BRINP1: variants seen among roughly 807,000 people sequenced by gnomAD.
The protein encoded by BRINP1 is BMP/retinoic acid-inducible neural-specific protein 1.
BRINP1 carries 17 observed loss-of-function variants against 72.9 expected under a neutral mutation model. That is an observed-to-expected ratio of 0.23 (90% CI 0.16 to 0.35). The LOEUF (loss-of-function observed/expected upper bound fraction) is 0.35. Ranked by LOEUF, BRINP1 falls within the 10% of genes least tolerant of loss-of-function variation. BRINP1 has a pLI of 1.00. For synonymous variants in BRINP1, 418 were observed against 378.5 expected (o/e 1.10, Z -1.21); for missense variants, 850 against 1,001.6 (o/e 0.85, Z 2.04).
At chr9:119,224,191 T>C (rs531907018) in intron 5 of BRINP1, among the ~76,000 whole-genome samples, 1 of 152,176 alleles carries the variant, frequency 6.6e-6, no homozygotes, top group Non-Finnish European at 1.5e-5. Flanking sequence ...AAAAGATTTA[T>C]AAATGTAAAA....
At chr9:119,172,279 T>C (rs1041223719) in intron 7 of BRINP1, among the ~76,000 whole-genome samples, 2 of 148,712 alleles carry the variant, frequency 1.3e-5, no homozygotes, top group Non-Finnish European at 3.0e-5. Context: ...ATAGACGCAA[T>C]AAAAAATGAT....
chr9:119,245,194 T>C (rs1197889697), intron 3 of BRINP1, among the ~76,000 whole-genome samples: 6 of 125,916 alleles, frequency 4.8e-5, no homozygotes, highest in South Asian at 3.0e-4. Flanking sequence ...CAAGCTCACA[T>C]ACACACACAC....
At chr9:119,317,591 T>C (rs1225157408) in intron 1 of BRINP1, among the ~76,000 whole-genome samples, 1 of 152,208 alleles carries the variant, frequency 6.6e-6, no homozygotes, top group African/African-American at 2.4e-5. Context: ...GTGGCAAGAT[T>C]TGAGAGTACT....
chr9:119,286,844 C>G (rs185824290), intron 2 of BRINP1, among the ~76,000 whole-genome samples: 4 of 152,272 alleles, frequency 2.6e-5, no homozygotes, highest in Non-Finnish European at 4.4e-5. Context: ...CGATTTTGGT[C>G]AAGACGCCTA....
intron 1 of BRINP1, among the ~76,000 whole-genome samples, chr9:119,336,135 G>C (rs888971836): frequency 2.0e-5 from 3 of 152,160 alleles, no homozygotes; most frequent in African/African-American, 7.2e-5. Context: ...ATGTCAGGGT[G>C]ATGTTTCCTT....
At chr9:119,339,426 G>A (rs1831386160) in intron 1 of BRINP1, among the ~76,000 whole-genome samples, 1 of 152,132 alleles carries the variant, frequency 6.6e-6, no homozygotes, top group Non-Finnish European at 1.5e-5. Flanking sequence ...TTCTCAACTG[G>A]AATATCAGCA....
intron 5 of BRINP1, among the ~76,000 whole-genome samples, chr9:119,236,158 A>T (rs1041104921): frequency 1.3e-5 from 2 of 152,166 alleles, no homozygotes; most frequent in African/African-American, 4.8e-5. Context: ...ACTATTTATC[A>T]TAGTAAAACA....
At chr9:119,202,860 T>C (rs1829819649) in intron 7 of BRINP1, among the ~76,000 whole-genome samples, 1 of 152,206 alleles carries the variant, frequency 6.6e-6, no homozygotes, top group Non-Finnish European at 1.5e-5. Flanking sequence ...GGAATGAATC[T>C]TACTTATGTT....
At chr9:119,191,715 C>T (rs917500635) in intron 7 of BRINP1, among the ~76,000 whole-genome samples, 5 of 151,528 alleles carry the variant, frequency 3.3e-5, no homozygotes, top group East Asian at 1.9e-4. Flanking sequence ...TTTAACAATC[C>T]GTATAAAAAT....
At chr9:119,252,561 T>A (rs1431428602) in intron 2 of BRINP1, among the ~76,000 whole-genome samples, 1 of 151,974 alleles carries the variant, frequency 6.6e-6, no homozygotes, top group Non-Finnish European at 1.5e-5. Context: ...TACGTGTGTG[T>A]GTGTGTGTGT....
chr9:119,367,192 C>CGT (rs1831700674), intron 1 of BRINP1, among the ~76,000 whole-genome samples: 3 of 79,776 alleles, frequency 3.8e-5, no homozygotes, highest in African/African-American at 1.1e-4. Context: ...AATATGAACA[C>CGT]ATGTGTGTGT....
At chr9:119,280,995 A>G (rs1331982425) in intron 2 of BRINP1, among the ~76,000 whole-genome samples, 1 of 152,100 alleles carries the variant, frequency 6.6e-6, no homozygotes, top group African/African-American at 2.4e-5. Flanking sequence ...GTGCCCAGGA[A>G]ATGGAAACAT....
chr9:119,283,254 C>T (rs527789563), intron 2 of BRINP1: 1 of 877,318 alleles, frequency 1.1e-6, no homozygotes, highest in African/African-American at 1.8e-5. Flanking sequence ...GCTGCCTCAG[C>T]ATCACCTGGC....
intron 7 of BRINP1, among the ~76,000 whole-genome samples, chr9:119,198,285 G>A (rs574776024): frequency 7.9e-5 from 12 of 152,078 alleles, no homozygotes; most frequent in Admixed American, 3.9e-4. Flanking sequence ...TTCCAATTTC[G>A]TCCAACAAAG....
intron 2 of BRINP1, among the ~76,000 whole-genome samples, chr9:119,309,320 AC>A (rs1316135059): frequency 6.6e-6 from 1 of 152,158 alleles, no homozygotes; most frequent in Non-Finnish European, 1.5e-5. Context: ...GTAACTAAGA[AC>A]CAGGGAGAGT....
Position 119,167,371 on chromosome 9 carries a change from C to G in BRINP1, c.1999G>C (p.Asp667His). The change falls in exon 8 of 8, where the codon GAC becomes CAC. Residue 667 changes from aspartate (D) to histidine (H), a missense_variant. Asp to His is a moderately conservative substitution (Grantham distance 81). Transcript: ENST00000265922. The surrounding 1 kb of genome is among the most constrained non-coding windows in gnomAD (Gnocchi z 4.3). The stretch of plus-strand genomic sequence containing the variant: ...TGCTGCACTGCACTGCGCAGGAGGT[C>G]GGCGTTGAACCTCAGGCTATACCCA... ...VFGYSLRFNA[D>H]LLRSAVQQVN... 1 of 1,614,038 alleles carries G rather than the reference C, an allele frequency of 6.2e-7. No homozygotes were observed. The highest frequency in any genetic ancestry group is 1.3e-5 in the African/African-American group (1 of 74,998).
chr9:119,288,431 G>A (rs1051615376), intron 2 of BRINP1, among the ~76,000 whole-genome samples: 1 of 152,112 alleles, frequency 6.6e-6, no homozygotes, highest in Non-Finnish European at 1.5e-5. Context: ...GGGAGACAAT[G>A]GATGACTAGA....
chr9:119,221,599 G>T (rs1830042271), intron 5 of BRINP1, among the ~76,000 whole-genome samples: 1 of 152,128 alleles, frequency 6.6e-6, no homozygotes, highest in Non-Finnish European at 1.5e-5. Context: ...GGAAAATGAG[G>T]AAAGGCAGAT....
intron 1 of BRINP1, among the ~76,000 whole-genome samples, chr9:119,353,051 A>G (rs1831521424): frequency 6.6e-6 from 1 of 152,010 alleles, no homozygotes; most frequent in African/African-American, 2.4e-5. Context: ...CTTTTCAAAC[A>G]CCTCCCATAG....
Sources: allele counts gnomAD v4.1 joint callset (sites outside exome capture counted in the v4.1 genomes callset), GRCh38; gene constraint gnomAD v4.1.1; non-coding constraint Gnocchi (gnomAD v3.1); transcripts MANE v1.5; gene names NCBI Gene and HGNC (gene_info 2026-07-23, HGNC 2026-07-21).